The following PGCKA1 variants were observed in gnomAD, a reference collection of about 807,000 sequenced individuals.
The protein encoded by PGCKA1 is PDCD10 and GCKIII kinases-associated protein 1.
chr4:37,542,299 C>T, the PGCKA1 span, among the ~76,000 whole-genome samples: 2 of 152,202 alleles, frequency 1.3e-5, no homozygotes, highest in East Asian at 3.8e-4. Context: ...CATTTGTCCC[C>T]AACACCTGTG....
chr4:37,563,034 C>T, the PGCKA1 span, among the ~76,000 whole-genome samples: 2 of 152,090 alleles, frequency 1.3e-5, no homozygotes, highest in Non-Finnish European at 2.9e-5. Flanking sequence ...TGGGTTCCAA[C>T]TCTGCACACG....
the PGCKA1 span, among the ~76,000 whole-genome samples, chr4:37,563,128 A>G: frequency 0.98 from 149,758 of 152,238 alleles, 73,707 homozygotes; most frequent in Middle Eastern, 1. Flanking sequence ...GAGTCCGGAA[A>G]AACATTTATA....
the PGCKA1 span, among the ~76,000 whole-genome samples, chr4:37,480,447 C>G: frequency 1.3e-5 from 2 of 152,212 alleles, no homozygotes; most frequent in African/African-American, 4.8e-5. Context: ...CAGCTGAGAT[C>G]GCTCCGCTGC....
the PGCKA1 span, among the ~76,000 whole-genome samples, chr4:37,481,496 A>AAAAAAAAAAAAAAAAAAAAC: frequency 1.1e-5 from 1 of 88,626 alleles, no homozygotes; most frequent in Non-Finnish European, 3.0e-5. Context: ...AAAAAAAAAA[A>AAAAAAAAAAAAAAAAAAAAC]AAAAGAAGTC....
At chr4:37,462,982 AAAGT>A in the PGCKA1 span, among the ~76,000 whole-genome samples, 1 of 151,602 alleles carries the variant, frequency 6.6e-6, no homozygotes, top group East Asian at 1.9e-4. Flanking sequence ...AAAAAAAAAA[AAAGT>A]CCGTAGATGA....
At chr4:37,587,095 G>A in the PGCKA1 span, among the ~76,000 whole-genome samples, 1 of 152,064 alleles carries the variant, frequency 6.6e-6, no homozygotes, top group African/African-American at 2.4e-5. Context: ...CTTCCAGCTT[G>A]GGGGGCTGCC....
At chr4:37,510,209 T>C in the PGCKA1 span, among the ~76,000 whole-genome samples, 12 of 152,280 alleles carry the variant, frequency 7.9e-5, no homozygotes, top group South Asian at 2.1e-4. Context: ...CCAGGATTGG[T>C]TCCTCGTTCC....
At chr4:37,487,171 A>G in the PGCKA1 span, among the ~76,000 whole-genome samples, 2 of 152,208 alleles carry the variant, frequency 1.3e-5, no homozygotes, top group African/African-American at 4.8e-5. Context: ...TTCTTTGCCC[A>G]AAGGTTAAGG....
At chr4:37,576,468 A>G in the PGCKA1 span, among the ~76,000 whole-genome samples, 1 of 152,040 alleles carries the variant, frequency 6.6e-6, no homozygotes, top group Admixed American at 6.6e-5. Context: ...ATCAGTTCTA[A>G]TAGTTCTTTG....
the PGCKA1 span, among the ~76,000 whole-genome samples, chr4:37,572,028 GTTTGTT>G: frequency 1.4e-5 from 2 of 144,400 alleles, no homozygotes; most frequent in African/African-American, 5.1e-5. Flanking sequence ...AGATTCACAC[GTTTGTT>G]TTTAACTTCA....
the PGCKA1 span, among the ~76,000 whole-genome samples, chr4:37,564,191 T>C: frequency 1.3e-5 from 2 of 150,316 alleles, no homozygotes; most frequent in East Asian, 4.0e-4. Context: ...GGAGAATCAC[T>C]TGGACCCGGG....
chr4:37,468,746 C>CACACA, the PGCKA1 span, among the ~76,000 whole-genome samples: 2 of 151,306 alleles, frequency 1.3e-5, no homozygotes, highest in Admixed American at 6.6e-5. Flanking sequence ...CTGTATACCC[C>CACACA]CCCACACACA....
chr4:37,540,862 G>A, the PGCKA1 span, among the ~76,000 whole-genome samples: 2 of 152,048 alleles, frequency 1.3e-5, no homozygotes, highest in East Asian at 3.9e-4. Context: ...CAGATTACAA[G>A]GAAAAGTTAA....
chr4:37,480,944 G>A, the PGCKA1 span, among the ~76,000 whole-genome samples: 1 of 152,228 alleles, frequency 6.6e-6, no homozygotes, highest in African/African-American at 2.4e-5. Flanking sequence ...TCTGTCAGAG[G>A]TGTCAAGGAT....
the PGCKA1 span, among the ~76,000 whole-genome samples, chr4:37,572,236 G>A: frequency 2.0e-5 from 3 of 150,320 alleles, no homozygotes; most frequent in Non-Finnish European, 4.4e-5. Context: ...CTAATTTTTT[G>A]TATTTTTTTT....
the PGCKA1 span, among the ~76,000 whole-genome samples, chr4:37,467,367 C>G: frequency 1.3e-5 from 2 of 152,154 alleles, no homozygotes; most frequent in African/African-American, 2.4e-5. Flanking sequence ...CATTTCTGTA[C>G]TCGAGTTTTT....
the PGCKA1 span, among the ~76,000 whole-genome samples, chr4:37,558,422 C>G: frequency 6.6e-6 from 1 of 152,128 alleles, no homozygotes; most frequent in African/African-American, 2.4e-5. Context: ...AACAGTGGCT[C>G]TCAGCGTGTG....
At chr4:37,549,231 C>T in the PGCKA1 span, among the ~76,000 whole-genome samples, 11 of 152,304 alleles carry the variant, frequency 7.2e-5, no homozygotes, top group African/African-American at 1.9e-4. Flanking sequence ...CAAGCGGATG[C>T]GTGGTAGTAT....
the PGCKA1 span, among the ~76,000 whole-genome samples, chr4:37,573,273 A>T: frequency 6.6e-6 from 1 of 152,214 alleles, no homozygotes; most frequent in Non-Finnish European, 1.5e-5. Context: ...TTTGTACCAG[A>T]TATTGTGCTA....
Sources: gnomAD v4.1 joint callset for allele counts (sites outside exome capture counted in the v4.1 genomes callset) on GRCh38, gnomAD v4.1.1 for gene constraint, MANE v1.5 for transcripts, NCBI Gene and HGNC (gene_info 2026-07-23, HGNC 2026-07-21) for gene names.